The following XPR1 variants were observed in gnomAD, a reference collection of about 807,000 sequenced individuals.
The protein encoded by XPR1 is solute carrier family 53 member 1.
XPR1 carries 28 observed loss-of-function variants against 87.5 expected under a neutral mutation model. The ratio of observed to expected loss-of-function variants is 0.32; its 90% CI spans 0.24 to 0.44. XPR1 has a LOEUF of 0.44. XPR1 is among the 20% of genes least tolerant of loss of function. The pLI is 1.00. For synonymous variants in XPR1, 300 were observed against 306.1 expected (o/e 0.98, Z 0.21); for missense variants, 559 against 862.3 (o/e 0.65, Z 4.41).
Position 180,884,069 on chromosome 1 carries a change from T to G in XPR1, c.*3T>G, listed in dbSNP as rs747778450. The G allele has an allele frequency of 2.5e-6, 4 of 1,613,880 alleles. No homozygotes were observed. Among genetic ancestry groups the G allele is most frequent in the Non-Finnish European group, 2.5e-6 (3 of 1,179,846 alleles). ...CAGATGATGAAGCTAACACTTGAAT[T>G]TTCTGAAGTCTAGCTTAACATCTTT... is the stretch of plus-strand genomic sequence containing the variant. On this transcript the variant is annotated 3_prime_UTR_variant, in exon 15 of 15. Coordinates refer to ENST00000367590, the MANE Select transcript of XPR1 (RefSeq NM_004736.4).
Position 180,826,192 on chromosome 1 carries a change from T to G in XPR1, c.1134+848T>G, listed in dbSNP as rs576137974. Among the ~76,000 whole-genome samples the G allele has an allele frequency of 1.2e-3, 177 of 152,364 alleles. 1 individual carries two copies. The highest frequency in any genetic ancestry group is 3.4e-3 in the Middle Eastern group (1 of 294). ...AATTTCCTGCAAAACTGTAAAGCTT[T>G]CTTCTGTAAAGATAACTCCGGAAGG... is the stretch of plus-strand genomic sequence containing the variant. On this transcript the variant is annotated intron_variant, in intron 9 of 14. Coordinates refer to ENST00000367590, the MANE Select transcript of XPR1 (RefSeq NM_004736.4).
Position 180,834,900 on chromosome 1 carries a change from T to A in XPR1, c.1161T>A (p.His387Gln), listed in dbSNP as rs771902386. The A allele has an allele frequency of 6.2e-7, 1 of 1,612,954 alleles. No individual in the cohort carries two copies. The highest frequency in any genetic ancestry group is 8.5e-7 in the Non-Finnish European group (1 of 1,179,582). The change falls in exon 10 of 15, where the codon CAT becomes CAA. Residue 387 changes from histidine to glutamine, a missense_variant. By Grantham distance (24) the His-to-Gln change is conservative. This residue lies in a region of XPR1 where 264 missense variants were observed against 377.2 expected (regional missense o/e 0.70). Transcript: ENST00000367590. Reference sequence around the variant, plus strand: ...TTCGAGTATTTACAGCCCCCTTCCATAAGGTAGGCTTTGCTGATTTCTGGC... The same window carrying A: ...TTCGAGTATTTACAGCCCCCTTCCAAAAGGTAGGCTTTGCTGATTTCTGGC... ...LLFRVFTAPFHKVGFADFWLA... is the reference protein window; with the variant it reads ...LLFRVFTAPFQKVGFADFWLA...
intron 2 of XPR1, among the ~76,000 whole-genome samples, chr1:180,705,836 T>C (rs899040636): frequency 6.6e-6 from 1 of 152,138 alleles, no homozygotes; most frequent in Non-Finnish European, 1.5e-5. Flanking sequence ...ATATATTAGG[T>C]AGATATCCTC....
intron 9 of XPR1, among the ~76,000 whole-genome samples, chr1:180,830,810 C>G (rs1213560468): frequency 6.6e-6 from 1 of 152,154 alleles, no homozygotes; most frequent in Non-Finnish European, 1.5e-5. Context: ...GCATTGGTAC[C>G]TACTTCCCTT....
chr1:180,792,662 AG>A (rs952294707), intron 3 of XPR1, among the ~76,000 whole-genome samples: 28 of 152,180 alleles, frequency 1.8e-4, no homozygotes, highest in African/African-American at 6.8e-4. Flanking sequence ...TGTGAAAGGG[AG>A]GGGTCCTTTG....
At position 180,830,798 on chromosome 1, in the gene XPR1, T is replaced by C. The variant is rs148952231; in HGVS notation, c.1135-4076T>C. The stretch of plus-strand genomic sequence containing the variant: ...CACAATTTGAGCCTATTTCTGGTAA[T>C]TGCATTGGTACCTACTTCCCTTCTC... On this transcript the variant is annotated intron_variant, in intron 9 of 14. Coordinates refer to ENST00000367590, the MANE Select transcript of XPR1 (RefSeq NM_004736.4). 2.8e-3 allele frequency among the ~76,000 whole-genome samples: 423 copies of C among 152,288 alleles called. 1 individual carries two copies. The highest frequency in any genetic ancestry group is 9.8e-3 in the African/African-American group (406 of 41,556).
At position 180,682,343 on chromosome 1, in the gene XPR1, T is replaced by G. The variant is rs1417388081; in HGVS notation, c.70-17T>G. The G allele has an allele frequency of 1.3e-6, 2 of 1,581,972 alleles. No individual in the cohort carries two copies. On this transcript the variant is annotated splice_polypyrimidine_tract_variant and intron_variant, in intron 1 of 14. Transcript: ENST00000367590. ...TTACTCATGATTTCATATATTGTTTTTCTTTCTTTCTAATAGGCTTTCAAG... is the reference window on the plus strand; with the variant it reads ...TTACTCATGATTTCATATATTGTTTGTCTTTCTTTCTAATAGGCTTTCAAG...
chr1:180,731,051 T>TA (rs951966199), intron 2 of XPR1, among the ~76,000 whole-genome samples: 24 of 152,348 alleles, frequency 1.6e-4, no homozygotes, highest in African/African-American at 5.5e-4. Context: ...TAGAATTTGT[T>TA]ACATTGTATT....
At chr1:180,721,072 TA>T (rs947867667) in intron 2 of XPR1, among the ~76,000 whole-genome samples, 1 of 151,918 alleles carries the variant, frequency 6.6e-6, no homozygotes, top group African/African-American at 2.4e-5. Flanking sequence ...CCATCTCTAG[TA>T]AAAACAAAAA....
At chr1:180,823,712 G>A (rs978622074) in intron 7 of XPR1, among the ~76,000 whole-genome samples, 30 of 152,090 alleles carry the variant, frequency 2.0e-4, no homozygotes, top group African/African-American at 7.2e-4. Context: ...GGACATAATG[G>A]GCAATAGAAT....
intron 2 of XPR1, among the ~76,000 whole-genome samples, chr1:180,765,975 A>G (rs1440817988): frequency 4.6e-5 from 7 of 152,038 alleles, no homozygotes; most frequent in Non-Finnish European, 7.4e-5. Context: ...AGACAGTAGG[A>G]AAAAAGAAAA....
rs991872630 is a variant in XPR1 at position 180,887,981 on chromosome 1, T to A, written c.*3915T>A. 1 of 152,232 alleles carries A rather than the reference T, an allele frequency of 6.6e-6. No homozygotes were observed. The highest frequency in any genetic ancestry group is 1.5e-5 in the Non-Finnish European group (1 of 68,042). The allele number at this position is 152,232 out of a possible 1,614,324, so 9.4% of individuals were successfully genotyped here. A position where few individuals can be genotyped will look rare whatever the true frequency, so the allele number is the denominator to read the frequency against. On this transcript the variant is annotated 3_prime_UTR_variant, in exon 15 of 15. Coordinates refer to ENST00000367590, the MANE Select transcript of XPR1 (RefSeq NM_004736.4). ...CAGATTAACAGACATTCATTGAAGA[T>A]AAGTGAAATAACTTTGGAGATAGCA...
At chr1:180,785,962 A>AG (rs1231250664) in intron 2 of XPR1, among the ~76,000 whole-genome samples, 2 of 151,090 alleles carry the variant, frequency 1.3e-5, no homozygotes, top group Non-Finnish European at 3.0e-5. Context: ...AAAAAAAGCA[A>AG]GGGAAAAAGA....
At chr1:180,784,316 GC>G (rs1177647600) in intron 2 of XPR1, among the ~76,000 whole-genome samples, 1 of 151,852 alleles carries the variant, frequency 6.6e-6, no homozygotes, top group Non-Finnish European at 1.5e-5. Context: ...TAAAAAAGTT[GC>G]ATTTATATGA....
chr1:180,635,984 A>C (rs974707482), intron 1 of XPR1, among the ~76,000 whole-genome samples: 10 of 152,186 alleles, frequency 6.6e-5, no homozygotes, highest in Non-Finnish European at 8.8e-5. Context: ...AAAATTTTTG[A>C]TATTTTGATC....
intron 11 of XPR1, among the ~76,000 whole-genome samples, chr1:180,846,812 G>A (rs1424182668): frequency 3.3e-5 from 5 of 149,670 alleles, no homozygotes; most frequent in Admixed American, 3.3e-4. Flanking sequence ...TATTCAGAGT[G>A]AAGAAACTTT....
intron 2 of XPR1, among the ~76,000 whole-genome samples, chr1:180,739,660 C>G (rs1658854000): frequency 6.6e-6 from 1 of 151,926 alleles, no homozygotes; most frequent in South Asian, 2.1e-4. Context: ...AAATTTATAC[C>G]CAATTATTTC....
chr1:180,727,728 A>G (rs1050556542), intron 2 of XPR1, among the ~76,000 whole-genome samples: 3 of 152,224 alleles, frequency 2.0e-5, no homozygotes, highest in African/African-American at 7.2e-5. Flanking sequence ...GAGCATACTC[A>G]AGGGCTGCTG....
At chr1:180,877,808 G>T (rs994068037) in intron 13 of XPR1, among the ~76,000 whole-genome samples, 4 of 152,074 alleles carry the variant, frequency 2.6e-5, no homozygotes, top group African/African-American at 9.7e-5. Flanking sequence ...GTGAAAGTCA[G>T]AAATTATTAA....
Sources: allele counts gnomAD v4.1 joint callset (sites outside exome capture counted in the v4.1 genomes callset), GRCh38; gene constraint gnomAD v4.1.1; regional missense constraint gnomAD v4.1.1; transcripts MANE v1.5; gene names NCBI Gene and HGNC (gene_info 2026-07-23, HGNC 2026-07-21).